The following DSCAM variants were observed in gnomAD, a reference collection of about 807,000 sequenced individuals.
DSCAM encodes the protein DS cell adhesion molecule.
DSCAM carries 47 observed loss-of-function variants against 217.7 expected under a neutral mutation model. The observed-to-expected ratio is 0.22, with a 90% CI of 0.17 to 0.28. The LOEUF (loss-of-function observed/expected upper bound fraction) is 0.28. Ranked by LOEUF, DSCAM falls within the 10% of genes least tolerant of loss-of-function variation. DSCAM has a pLI of 1.00. For missense variants in DSCAM, 2,080 were observed against 2,618.3 expected (o/e 0.79, Z 4.49); for synonymous variants, 1,056 against 1,015.3 (o/e 1.04, Z -0.76).
Position 40,115,541 on chromosome 21 carries a change from G to T in DSCAM, c.3696+8654C>A, listed in dbSNP as rs546173393. On this transcript the variant is annotated intron_variant, in intron 20 of 32. Coordinates refer to ENST00000400454, the MANE Select transcript of DSCAM (RefSeq NM_001389.5). Reference sequence around the variant, plus strand: ...TAACAAACCTGCACGTTGTGCACATGTACCCTAAAACTTACAGTATAATAA... The same window carrying T: ...TAACAAACCTGCACGTTGTGCACATTTACCCTAAAACTTACAGTATAATAA... 1.1e-4 allele frequency among the ~76,000 whole-genome samples: 17 copies of T among 152,138 alleles called. No individual in the cohort carries two copies. The South Asian group carries it at 3.5e-3, about 32-fold the overall frequency.
chr21:40,532,589 G>C (rs1043318892), intron 3 of DSCAM, among the ~76,000 whole-genome samples: 4 of 152,186 alleles, frequency 2.6e-5, no homozygotes, highest in Non-Finnish European at 5.9e-5. Context: ...TTCTTGCCGA[G>C]GGCTTTAGCT....
At chr21:40,649,444 A>C (rs1187730461) in intron 3 of DSCAM, among the ~76,000 whole-genome samples, 1 of 152,198 alleles carries the variant, frequency 6.6e-6, no homozygotes, top group Non-Finnish European at 1.5e-5. Flanking sequence ...TCTCAAGTAA[A>C]CTATTTCTGA....
At chr21:40,712,793 T>C (rs1025200534) in intron 1 of DSCAM, among the ~76,000 whole-genome samples, 1 of 151,426 alleles carries the variant, frequency 6.6e-6, no homozygotes, top group South Asian at 2.1e-4. Context: ...AGGAACTGAC[T>C]GTATAGAAGT....
intron 2 of DSCAM, among the ~76,000 whole-genome samples, chr21:40,708,030 C>G (rs73903008): frequency 0.048 from 7,258 of 152,170 alleles, 262 homozygotes; most frequent in African/African-American, 0.1. Flanking sequence ...AACAGTACAT[C>G]TTGATGCTAT....
chr21:40,118,636 T>C (rs868331509), intron 20 of DSCAM, among the ~76,000 whole-genome samples: 2 of 152,200 alleles, frequency 1.3e-5, no homozygotes, highest in African/African-American at 2.4e-5. Context: ...TGTGACATGA[T>C]GTCACTTTGC....
At chr21:40,784,612 A>G (rs2091577006) in intron 1 of DSCAM, among the ~76,000 whole-genome samples, 1 of 152,196 alleles carries the variant, frequency 6.6e-6, no homozygotes, top group Admixed American at 6.5e-5. Context: ...TTGATATCCT[A>G]ACCCCCAATG....
In DSCAM at chr21:40,359,214, C is replaced by T. The variant is rs189883423; in HGVS notation, c.656-5471G>A. ...TACATATGCACACATATACATCTCA[C>T]GTAAAAATGGCTTGCTGGAGTGCCA... On this transcript the variant is annotated intron_variant, in intron 4 of 32. Transcript: ENST00000400454. 2.2e-3 allele frequency among the ~76,000 whole-genome samples: 329 copies of T among 152,294 alleles called. 2 individuals carry two copies. The highest frequency in any genetic ancestry group is 7.6e-3 in the African/African-American group (317 of 41,554).
At chr21:40,604,565 A>G (rs8134874) in intron 3 of DSCAM, among the ~76,000 whole-genome samples, 59,955 of 151,952 alleles carry the variant, frequency 0.39, 12,153 homozygotes, top group East Asian at 0.55. Context: ...GAGGTTTTAC[A>G]TGAATCTGGG....
At chr21:40,380,180 T>C (rs2075005698) in intron 3 of DSCAM, among the ~76,000 whole-genome samples, 3 of 152,272 alleles carry the variant, frequency 2.0e-5, no homozygotes, top group Admixed American at 6.5e-5. Flanking sequence ...GCATTCCAAC[T>C]GTATACCTAA....
At chr21:40,482,916 A>T (rs2075995007) in intron 3 of DSCAM, among the ~76,000 whole-genome samples, 1 of 152,230 alleles carries the variant, frequency 6.6e-6, no homozygotes, top group African/African-American at 2.4e-5. Flanking sequence ...GCTATCAGGG[A>T]GGCTAATGAC....
intron 20 of DSCAM, among the ~76,000 whole-genome samples, chr21:40,112,780 A>T (rs2089916701): frequency 6.6e-6 from 1 of 152,218 alleles, no homozygotes; most frequent in Non-Finnish European, 1.5e-5. Context: ...AGAGAATACT[A>T]TACACACCTC....
In DSCAM at chr21:40,391,469, G is replaced by A. The variant is rs150778650; in HGVS notation, c.509-22224C>T. Among the ~76,000 whole-genome samples the A allele has an allele frequency of 5.2e-3, 790 of 152,336 alleles. 8 individuals are homozygous for A. Among genetic ancestry groups the A allele is most frequent in the African/African-American group, 0.018 (740 of 41,572 alleles). On this transcript the variant is annotated intron_variant, in intron 3 of 32. Transcript: ENST00000400454. Reference sequence around the variant, plus strand: ...ACTTAGTTTGATCAAATGATACAATGTGCTTGAAAGTAATTTAATACAACC... The same window carrying A: ...ACTTAGTTTGATCAAATGATACAATATGCTTGAAAGTAATTTAATACAACC...
intron 16 of DSCAM, among the ~76,000 whole-genome samples, chr21:40,157,507 T>A (rs1333614845): frequency 6.6e-6 from 1 of 152,170 alleles, no homozygotes; most frequent in Admixed American, 6.5e-5. Flanking sequence ...GTTACTCTCC[T>A]TTTATCCATG....
chr21:40,751,437 CTCAG>C (rs1398068860), intron 1 of DSCAM, among the ~76,000 whole-genome samples: 1 of 152,206 alleles, frequency 6.6e-6, no homozygotes, highest in Non-Finnish European at 1.5e-5. Context: ...ATGTGTGGCA[CTCAG>C]TATTTGCCTC....
intron 1 of DSCAM, among the ~76,000 whole-genome samples, chr21:40,741,348 C>T (rs1569013105): frequency 6.6e-6 from 1 of 152,190 alleles, no homozygotes; most frequent in Non-Finnish European, 1.5e-5. Context: ...TTCATATTCA[C>T]ATGTTAATAA....
At chr21:40,588,453 TAATA>T (rs1019967578) in intron 3 of DSCAM, among the ~76,000 whole-genome samples, 6 of 152,312 alleles carry the variant, frequency 3.9e-5, no homozygotes, top group Admixed American at 3.9e-4. Context: ...AAAGTCTTTA[TAATA>T]AACATGAACA....
At chr21:40,549,675 T>G (rs927388126) in intron 3 of DSCAM, among the ~76,000 whole-genome samples, 2 of 152,228 alleles carry the variant, frequency 1.3e-5, no homozygotes, top group Non-Finnish European at 2.9e-5. Flanking sequence ...GTGTTACATT[T>G]TGGGACAAGT....
Position 40,276,354 on chromosome 21 carries a change from T to A in DSCAM, c.2183-84A>T. On this transcript the variant is annotated intron_variant, in intron 10 of 32. Coordinates refer to ENST00000400454, the MANE Select transcript of DSCAM (RefSeq NM_001389.5). ...ACGAGTTCAAGTACACACAGACTCATAAAGAGATGCTTCACACTGATCCCA... is the reference window on the plus strand; with the variant it reads ...ACGAGTTCAAGTACACACAGACTCAAAAAGAGATGCTTCACACTGATCCCA... 8.5e-6 allele frequency: 11 copies of A among 1,291,160 alleles called. No individual in the cohort carries two copies. The South Asian group carries it at 1.8e-4, about 21-fold the overall frequency. 80.0% of individuals were successfully genotyped at this position (1,291,160 alleles called of 1,614,324 possible). A position where few individuals can be genotyped will look rare whatever the true frequency, so the allele number is the denominator to read the frequency against.
intron 11 of DSCAM, among the ~76,000 whole-genome samples, chr21:40,260,745 C>T (rs941065279): frequency 2.6e-5 from 4 of 152,150 alleles, no homozygotes; most frequent in African/African-American, 9.7e-5. Flanking sequence ...GGTCTAGTGG[C>T]CCTTGATGAA....
Sources: gnomAD v4.1 joint callset for allele counts (sites outside exome capture counted in the v4.1 genomes callset) on GRCh38, gnomAD v4.1.1 for gene constraint, MANE v1.5 for transcripts, NCBI Gene and HGNC (gene_info 2026-07-23, HGNC 2026-07-21) for gene names.